Variants in UBTD2 observed in about 807,000 individuals in gnomAD.
UBTD2 encodes ubiquitin domain containing 2.
In UBTD2, 9 loss-of-function variants were observed where a neutral mutation model predicts 19.8. The observed-to-expected ratio is 0.46, with a 90% CI of 0.27 to 0.79. The LOEUF is 0.79. Ranked by LOEUF, UBTD2 falls within the 30% of genes least tolerant of loss-of-function variation. UBTD2 has a pLI of 0.14. For synonymous variants in UBTD2, 98 were observed against 103.9 expected, an observed-to-expected ratio of 0.94 and a Z score of 0.35; for missense variants, 250 against 300.4, an observed-to-expected ratio of 0.83 and a Z score of 1.24.
intron 1 of UBTD2, among the ~76,000 whole-genome samples, chr5:172,249,271 T>C (rs6556009): frequency 0.4 from 60,215 of 151,038 alleles, 12,170 homozygotes; most frequent in South Asian, 0.54. Context: ...TGGTGGCATG[T>C]GCCTGTAATC....
intron 1 of UBTD2, among the ~76,000 whole-genome samples, chr5:172,247,242 A>C (rs114557919): frequency 6.6e-6 from 1 of 152,132 alleles, no homozygotes; most frequent in Non-Finnish European, 1.5e-5. Flanking sequence ...AGACTTCAGA[A>C]CCTAGGAACA....
intron 2 of UBTD2, among the ~76,000 whole-genome samples, chr5:172,225,933 CTTTTTTTTTTTTT>C (rs57155195): frequency 3.9e-4 from 42 of 107,514 alleles, no homozygotes; most frequent in Admixed American, 3.7e-3. Flanking sequence ...GGCTTAAACT[CTTTTTTTTTTTTT>C]TTTTTTTTTG....
rs1254779627 is a variant in UBTD2, at chr5:172,222,143, A to C, written c.308-9916T>G. Among the ~76,000 whole-genome samples, 213 of 152,240 alleles carry C rather than the reference A, an allele frequency of 1.4e-3. 3 individuals carry two copies. Among genetic ancestry groups the C allele is most frequent in the Non-Finnish European group, 2.5e-4 (17 of 68,040 alleles). On this transcript the variant is annotated intron_variant, in intron 2 of 2. Coordinates refer to ENST00000393792, the MANE Select transcript of UBTD2 (RefSeq NM_152277.3). ...GGGATCACAAAATATCAATAAAAGT[A>C]ATATTTTACATTGTAGTCCATAACT...
chr5:172,251,920 A>T (rs1166309101), intron 1 of UBTD2, among the ~76,000 whole-genome samples: 1 of 152,218 alleles, frequency 6.6e-6, no homozygotes, highest in Non-Finnish European at 1.5e-5. Context: ...CCTGGGTAGG[A>T]TGGAAAGGAA....
chr5:172,255,217 G>C (rs1377980130), intron 1 of UBTD2: 1 of 445,226 alleles, frequency 2.2e-6, no homozygotes, highest in Non-Finnish European at 4.5e-6. Context: ...CCCAGCAGAA[G>C]GAGGTGAACT....
Position 172,211,753 on chromosome 5 carries a change from C to G in UBTD2, c.*77G>C. Reference sequence around the variant, plus strand: ...ATTTAGAGCAGTGAAATAGATTTCACGCCGCAGAGTAGGAAATGACAACAA... The same window carrying G: ...ATTTAGAGCAGTGAAATAGATTTCAGGCCGCAGAGTAGGAAATGACAACAA... On this transcript the variant is annotated 3_prime_UTR_variant, in exon 3 of 3. Coordinates refer to ENST00000393792, the MANE Select transcript of UBTD2 (RefSeq NM_152277.3). 7.0e-7 allele frequency: 1 copy of G among 1,437,046 alleles called. No homozygotes were observed. The highest frequency in any genetic ancestry group is 9.3e-7 in the Non-Finnish European group (1 of 1,077,178). 89.0% of individuals were successfully genotyped at this position (1,437,046 alleles called of 1,614,324 possible).
At chr5:172,245,485 G>C (rs2113044755) in intron 1 of UBTD2, among the ~76,000 whole-genome samples, 1 of 152,316 alleles carries the variant, frequency 6.6e-6, no homozygotes, top group Non-Finnish European at 1.5e-5. Flanking sequence ...TGCCAAGACA[G>C]GCGACTGCTT....
At chr5:172,263,138 C>G (rs971356493) in intron 1 of UBTD2, among the ~76,000 whole-genome samples, 12 of 152,010 alleles carry the variant, frequency 7.9e-5, no homozygotes, top group South Asian at 2.1e-4. Flanking sequence ...GCCATGTTGC[C>G]CAGGCTGGTC....
chr5:172,271,421 T>G (rs1187114292), intron 1 of UBTD2, among the ~76,000 whole-genome samples: 2 of 122,394 alleles, frequency 1.6e-5, no homozygotes, highest in Admixed American at 9.5e-5. Context: ...AGAGCTAGAC[T>G]CCACCTCAAA....
At chr5:172,256,897 G>A (rs576848657) in intron 1 of UBTD2, among the ~76,000 whole-genome samples, 42 of 152,240 alleles carry the variant, frequency 2.8e-4, no homozygotes, top group African/African-American at 8.7e-4. Flanking sequence ...CAGTCTGGGC[G>A]ATAACAGCGA....
At chr5:172,246,589 G>T (rs918365335) in intron 1 of UBTD2, among the ~76,000 whole-genome samples, 9 of 150,596 alleles carry the variant, frequency 6.0e-5, no homozygotes, top group African/African-American at 2.2e-4. Flanking sequence ...GACTACAGGT[G>T]AATGCCACCA....
chr5:172,227,930 C>T (rs922517153), intron 2 of UBTD2, among the ~76,000 whole-genome samples: 2 of 150,810 alleles, frequency 1.3e-5, no homozygotes, highest in Non-Finnish European at 3.0e-5. Context: ...CCACCCACCT[C>T]GGCCTCCCAA....
At chr5:172,232,300 A>G (rs1040674684) in intron 2 of UBTD2, among the ~76,000 whole-genome samples, 1 of 139,118 alleles carries the variant, frequency 7.2e-6, no homozygotes, top group African/African-American at 2.8e-5. Flanking sequence ...TACCAAAAGA[A>G]AAAGACTCAC....
chr5:172,271,541 CTT>C (rs1454764761), intron 1 of UBTD2, among the ~76,000 whole-genome samples: 1 of 152,000 alleles, frequency 6.6e-6, no homozygotes, highest in East Asian at 1.9e-4. Flanking sequence ...GCTCTAGAGA[CTT>C]TTTAAATTTT....
rs1755750966 is a variant in UBTD2 at position 172,283,036 on chromosome 5, G to A, written c.70+560C>T. ...TTTCCCCACCCCTCCTTAATACAAT[G>A]CCTGCGGCCACTGGAGACTCCTCCA... is the stretch of plus-strand genomic sequence containing the variant. On this transcript the variant is annotated intron_variant, in intron 1 of 2. Transcript: ENST00000393792. The surrounding 1 kb of genome is among the most constrained non-coding windows in gnomAD (Gnocchi z 4.3). Among the ~76,000 whole-genome samples the A allele has an allele frequency of 6.6e-6, 1 of 152,020 alleles. No individual in the cohort carries two copies. Among genetic ancestry groups the A allele is most frequent in the Non-Finnish European group, 1.5e-5 (1 of 68,002 alleles).
At chr5:172,244,425 T>A (rs951724631) in intron 1 of UBTD2, among the ~76,000 whole-genome samples, 1 of 150,848 alleles carries the variant, frequency 6.6e-6, no homozygotes, top group African/African-American at 2.4e-5. Flanking sequence ...GCCTCCGGGG[T>A]AGCTGGGATT....
chr5:172,256,647 G>A (rs1013743739), intron 1 of UBTD2, among the ~76,000 whole-genome samples: 7 of 151,708 alleles, frequency 4.6e-5, no homozygotes, highest in African/African-American at 1.2e-4. Context: ...GCGGCCAGGC[G>A]AGGTGGTTCA....
chr5:172,210,127 A>C lies in UBTD2; in HGVS notation c.*1703T>G, dbSNP rs1316832423. The C allele has an allele frequency of 1.3e-5, 2 of 152,228 alleles. No individual in the cohort carries two copies. Among genetic ancestry groups the C allele is most frequent in the Non-Finnish European group, 2.9e-5 (2 of 68,044 alleles). The allele number at this position is 152,228 out of a possible 1,614,324, so 9.4% of individuals were successfully genotyped here. A position where few individuals can be genotyped will look rare whatever the true frequency, so the allele number is the denominator to read the frequency against. ...TCTTCACTTGAATTTAGATTCAATC[A>C]TCAGCAAATTTAAATTAGATATAGC... On this transcript the variant is annotated 3_prime_UTR_variant, in exon 3 of 3. Coordinates refer to ENST00000393792, the MANE Select transcript of UBTD2 (RefSeq NM_152277.3).
At chr5:172,271,956 A>G (rs1561867218) in intron 1 of UBTD2, among the ~76,000 whole-genome samples, 1 of 152,220 alleles carries the variant, frequency 6.6e-6, no homozygotes, top group African/African-American at 2.4e-5. Flanking sequence ...TCACTAATTC[A>G]TTACTTAGTC....
Sources: gnomAD v4.1 joint callset for allele counts (sites outside exome capture counted in the v4.1 genomes callset) on GRCh38, gnomAD v4.1.1 for gene constraint, Gnocchi (gnomAD v3.1) non-coding constraint, MANE v1.5 for transcripts, NCBI Gene and HGNC (gene_info 2026-07-23, HGNC 2026-07-21) for gene names.